The following CABIN1 variants were observed in gnomAD, a reference collection of about 807,000 sequenced individuals.
CABIN1 encodes calcineurin-binding protein cabin-1.
Under a neutral mutation model 227.7 loss-of-function variants are expected in CABIN1, and 133 were observed. The observed-to-expected ratio is 0.58, with a 90% CI of 0.51 to 0.67. The LOEUF (loss-of-function observed/expected upper bound fraction) is 0.67. CABIN1 is among the 30% of genes least tolerant of loss of function. CABIN1 has a pLI of 0.00. For synonymous variants in CABIN1, 1,086 were observed against 1,155.1 expected (o/e 0.94, Z 1.21); for missense variants, 2,408 against 2,852.5 (o/e 0.84, Z 3.55).
chr22:24,170,179 T>G (rs2046712133), intron 33 of CABIN1: 2 of 456,810 alleles, frequency 4.4e-6, no homozygotes, highest in Admixed American at 4.7e-5. Context: ...AGATTTGCGT[T>G]TCCTACCTAG....
chr22:24,080,703 T>A (rs2040749677), intron 19 of CABIN1, among the ~76,000 whole-genome samples: 1 of 152,220 alleles, frequency 6.6e-6, no homozygotes, highest in Admixed American at 6.5e-5. Flanking sequence ...TTATTAGTGT[T>A]GTAAATAGAT....
In CABIN1 at chr22:24,042,948, T is replaced by C. The variant is rs774582286; in HGVS notation, c.390T>C (p.Ile130=). The C allele has an allele frequency of 6.2e-7, 1 of 1,611,888 alleles. No homozygotes were observed. The highest frequency in any genetic ancestry group is 1.1e-5 in the South Asian group (1 of 91,044). Reference sequence around the variant, plus strand: ...CAGATGTCAACCTCTGGTATAAGATTGGACATGTGGCCCTGAGGCTCATCC... The same window carrying C: ...CAGATGTCAACCTCTGGTATAAGATCGGACATGTGGCCCTGAGGCTCATCC... ...DSTDVNLWYK[I]GHVALRLIRI... is the part of the protein sequence containing the mutation. The change falls in exon 6 of 37, where the codon ATT becomes ATC. Residue 130 remains isoleucine, a synonymous_variant. Transcript: ENST00000263119.
At chr22:24,116,971 A>G (rs926407759) in intron 27 of CABIN1, among the ~76,000 whole-genome samples, 1 of 152,242 alleles carries the variant, frequency 6.6e-6, no homozygotes, top group Non-Finnish European at 1.5e-5. Context: ...TCTTGGTAGA[A>G]GGAAGTTTTC....
At chr22:24,026,931 A>G (rs2036136136) in intron 1 of CABIN1, among the ~76,000 whole-genome samples, 1 of 152,298 alleles carries the variant, frequency 6.6e-6, no homozygotes, top group Non-Finnish European at 1.5e-5. Context: ...CCCTGCTGTG[A>G]TGTTTATTGG....
At chr22:24,067,396 G>A (rs896717205) in intron 16 of CABIN1, among the ~76,000 whole-genome samples, 1 of 152,032 alleles carries the variant, frequency 6.6e-6, no homozygotes, top group Non-Finnish European at 1.5e-5. Context: ...AGGGTTCTGC[G>A]TGGCTCAGGG....
At chr22:24,098,648 A>G (rs1016110116) in intron 26 of CABIN1, among the ~76,000 whole-genome samples, 1 of 152,002 alleles carries the variant, frequency 6.6e-6, no homozygotes, top group Non-Finnish European at 1.5e-5. Flanking sequence ...TAAGTCTGTC[A>G]CCCCTGAGAA....
intron 6 of CABIN1, among the ~76,000 whole-genome samples, chr22:24,045,603 G>A (rs1409232128): frequency 1.3e-5 from 2 of 149,772 alleles, no homozygotes; most frequent in Admixed American, 6.6e-5. Context: ...GCGAGACTCT[G>A]CCTCAAAAAA....
intron 30 of CABIN1, 68 bp downstream of exon 30, chr22:24,164,631 G>C (rs747472188): frequency 2.5e-5 from 38 of 1,541,296 alleles, no homozygotes; most frequent in Non-Finnish European, 3.2e-5. Flanking sequence ...ACCCCAGGAA[G>C]CCTCTCCACT....
chr22:24,014,475 G>T (rs1223909284), intron 1 of CABIN1, among the ~76,000 whole-genome samples: 1 of 151,066 alleles, frequency 6.6e-6, no homozygotes, highest in African/African-American at 2.4e-5. Flanking sequence ...AGGTGTTCCA[G>T]GCTCATCTTG....
At chr22:24,093,876 T>C (rs1201007666) in intron 24 of CABIN1, among the ~76,000 whole-genome samples, 1 of 151,638 alleles carries the variant, frequency 6.6e-6, no homozygotes, top group Non-Finnish European at 1.5e-5. Context: ...TGAGACCTTG[T>C]CTAAAAAAAA....
intron 27 of CABIN1, among the ~76,000 whole-genome samples, chr22:24,116,778 C>T (rs141956938): frequency 1.1e-4 from 17 of 152,298 alleles, no homozygotes; most frequent in Non-Finnish European, 1.5e-5. Flanking sequence ...TCCAGAGGCT[C>T]AGCTGGGGGC....
At chr22:24,156,224 C>T (rs1369963167) in intron 29 of CABIN1, 2 of 388,376 alleles carry the variant, frequency 5.1e-6, no homozygotes, top group Non-Finnish European at 9.1e-6. Flanking sequence ...GCTCTGGCGG[C>T]CGCCCCCCGC....
intron 26 of CABIN1, among the ~76,000 whole-genome samples, chr22:24,098,534 G>C (rs755392883): frequency 2.0e-5 from 3 of 152,184 alleles, no homozygotes; most frequent in Non-Finnish European, 4.4e-5. Context: ...GTGGCCTCCT[G>C]GAGGGGCTCC....
In CABIN1 at chr22:24,171,816, A is replaced by C. The variant is rs745964343; in HGVS notation, c.5861A>C (p.Asp1954Ala). Residue 1954 changes from aspartate (D) to alanine (A), a missense_variant, in exon 34 of 37, where the codon GAC (aspartate) becomes GCC (alanine). Coordinates refer to ENST00000263119, the MANE Select transcript of CABIN1 (RefSeq NM_012295.4). ...VPTAPDPVPA[D>A]SVQRPSDAHT... ...ACAGCCCCTGACCCTGTGCCAGCTGACTCTGTCCAGCGGCCCAGTGATGCT... is the reference window on the plus strand; with the variant it reads ...ACAGCCCCTGACCCTGTGCCAGCTGCCTCTGTCCAGCGGCCCAGTGATGCT... 1 of 1,614,008 alleles carries C rather than the reference A, an allele frequency of 6.2e-7. No individual in the cohort carries two copies. Among genetic ancestry groups the C allele is most frequent in the South Asian group, 1.1e-5 (1 of 91,084 alleles).
chr22:24,077,879 G>A (rs567510075), intron 19 of CABIN1, among the ~76,000 whole-genome samples: 3 of 152,306 alleles, frequency 2.0e-5, no homozygotes. Context: ...TTCTTAATCT[G>A]TGTCTTTTCT....
intron 29 of CABIN1, among the ~76,000 whole-genome samples, chr22:24,159,223 C>T (rs898060597): frequency 1.3e-4 from 20 of 152,214 alleles, no homozygotes; most frequent in African/African-American, 3.9e-4. Context: ...TCTGCTCCAC[C>T]CTGGGGAGCC....
chr22:24,078,021 A>G (rs1601944851), intron 19 of CABIN1, among the ~76,000 whole-genome samples: 1 of 151,864 alleles, frequency 6.6e-6, no homozygotes, highest in African/African-American at 2.4e-5. Context: ...CATTTCTCCA[A>G]CCTTTGCAGC....
chr22:24,143,769 G>A (rs2044931815), intron 29 of CABIN1, among the ~76,000 whole-genome samples: 1 of 152,188 alleles, frequency 6.6e-6, no homozygotes, highest in South Asian at 2.1e-4. Context: ...GTACAGACGG[G>A]GAAGTTGTTA....
chr22:24,045,379 T>A (rs2037785138), intron 6 of CABIN1, among the ~76,000 whole-genome samples: 1 of 152,042 alleles, frequency 6.6e-6, no homozygotes, highest in African/African-American at 2.4e-5. Context: ...TCTAGGAGGC[T>A]GAGATGGGAG....
Sources: gnomAD v4.1 joint callset for allele counts (sites outside exome capture counted in the v4.1 genomes callset) on GRCh38, gnomAD v4.1.1 for gene constraint, MANE v1.5 for transcripts, NCBI Gene and HGNC (gene_info 2026-07-23, HGNC 2026-07-21) for gene names.